GRIN3A: variants seen among roughly 807,000 people sequenced by gnomAD.
GRIN3A encodes glutamate ionotropic receptor NMDA type subunit 3A.
GRIN3A carries 47 observed loss-of-function variants against 92.4 expected under a neutral mutation model. The ratio of observed to expected loss-of-function variants is 0.51; its 90% CI spans 0.40 to 0.65. The LOEUF is 0.65. Among genes scored for constraint, GRIN3A ranks in the 30% least tolerant of loss-of-function variants. The pLI, the probability that GRIN3A is intolerant of heterozygous loss-of-function variation, is 0.00. For synonymous variants in GRIN3A, 527 were observed against 540.6 expected (o/e 0.97, Z 0.35); for missense variants, 1,324 against 1,393.1 (o/e 0.95, Z 0.79).
At chr9:101,727,882 C>A (rs910660949) in intron 1 of GRIN3A, among the ~76,000 whole-genome samples, 1 of 149,036 alleles carries the variant, frequency 6.7e-6, no homozygotes, top group Non-Finnish European at 1.5e-5. Context: ...TAGATAAATT[C>A]GGATCTAGAT....
At chr9:101,722,386 A>C (rs956010140) in intron 1 of GRIN3A, among the ~76,000 whole-genome samples, 1 of 152,348 alleles carries the variant, frequency 6.6e-6, no homozygotes, top group Admixed American at 6.5e-5. Flanking sequence ...CAGAAGGGAA[A>C]TGTGGGGTCG....
In GRIN3A at chr9:101,670,402, C is replaced by A. The variant is rs577452617; in HGVS notation, c.2010G>T (p.Met670Ile). 6 of 1,614,020 alleles carry A rather than the reference C, an allele frequency of 3.7e-6. No homozygotes were observed. The South Asian group carries it at 6.6e-5, about 18-fold the overall frequency. The change falls in exon 3 of 9, where the codon ATG becomes ATT. Residue 670 changes from methionine to isoleucine, a missense_variant. Physicochemically the swap from Met to Ile is conservative, Grantham distance 10. Transcript: ENST00000361820. ...RDTAAPIGAF[M>I]WPLHWTMWLG... ...GCCACATTGTCCAGTGGAGTGGCCA[C>A]ATGAAGGCTCCAATGGGAGCTGCTG...
chr9:101,653,793 T>C (rs113972655), intron 3 of GRIN3A, among the ~76,000 whole-genome samples: 48 of 152,046 alleles, frequency 3.2e-4, no homozygotes, highest in African/African-American at 1.2e-3. Context: ...CCATTTTATA[T>C]GTATGATTGA....
At chr9:101,645,116 G>A (rs1828919323) in intron 3 of GRIN3A, among the ~76,000 whole-genome samples, 1 of 151,748 alleles carries the variant, frequency 6.6e-6, no homozygotes, top group Non-Finnish European at 1.5e-5. Flanking sequence ...TTCTAACTGT[G>A]TTTCTGTACC....
chr9:101,618,568 G>C (rs1472431139), intron 5 of GRIN3A, among the ~76,000 whole-genome samples: 1 of 152,134 alleles, frequency 6.6e-6, no homozygotes, highest in African/African-American at 2.4e-5. Context: ...AGAGGATGTG[G>C]AGAAATAGGA....
intron 3 of GRIN3A, among the ~76,000 whole-genome samples, chr9:101,647,053 G>A (rs1324341569): frequency 6.6e-6 from 1 of 151,816 alleles, no homozygotes; most frequent in Admixed American, 6.6e-5. Flanking sequence ...TGGTAAAAGT[G>A]TGCATCCCTA....
In GRIN3A at chr9:101,625,552, A is replaced by C. The variant is rs1257279397; in HGVS notation, c.2499-2119T>G. On this transcript the variant is annotated intron_variant, in intron 4 of 8. Coordinates refer to ENST00000361820, the MANE Select transcript of GRIN3A (RefSeq NM_133445.3). The stretch of plus-strand genomic sequence containing the variant: ...TGCTTTCTTATCCTACTCTTCAAAT[A>C]AGTGAAATAACCAATTTAAAATGCA... Among the ~76,000 whole-genome samples, 4 of 152,304 alleles carry C rather than the reference A, an allele frequency of 2.6e-5. No homozygotes were observed. The East Asian group carries it at 7.7e-4, about 29-fold the overall frequency.
chr9:101,660,595 T>C (rs1023401782), intron 3 of GRIN3A, among the ~76,000 whole-genome samples: 1 of 151,862 alleles, frequency 6.6e-6, no homozygotes, highest in East Asian at 1.9e-4. Context: ...GAACTTCAGC[T>C]GGATATTTCA....
chr9:101,687,552 G>C (rs1829555095), intron 1 of GRIN3A, among the ~76,000 whole-genome samples: 1 of 152,112 alleles, frequency 6.6e-6, no homozygotes, highest in South Asian at 2.1e-4. Context: ...TTGCTATTAA[G>C]ACCTCATTTG....
intron 3 of GRIN3A, among the ~76,000 whole-genome samples, chr9:101,641,260 A>T (rs1289351264): frequency 6.6e-6 from 1 of 152,182 alleles, no homozygotes; most frequent in African/African-American, 2.4e-5. Context: ...TAGAAATACC[A>T]TTTGACCCAG....
rs12342952 is a variant in GRIN3A at position 101,701,101 on chromosome 9, G to A, written c.700-13901C>T. ...CTTCTTGCCCCAGATTTGCCACTAA[G>A]GGTATATGTTGGAAATGCTTATTTT... On this transcript the variant is annotated intron_variant, in intron 1 of 8. Transcript: ENST00000361820. 9.0e-3 allele frequency among the ~76,000 whole-genome samples: 1,375 copies of A among 152,234 alleles called. 21 individuals carry two copies. Among genetic ancestry groups the A allele is most frequent in the African/African-American group, 0.031 (1,308 of 41,538 alleles).
chr9:101,644,093 T>G (rs1828901269), intron 3 of GRIN3A, among the ~76,000 whole-genome samples: 1 of 151,894 alleles, frequency 6.6e-6, no homozygotes, highest in Non-Finnish European at 1.5e-5. Context: ...AAAAATCACT[T>G]CACAATGTAC....
rs553731076 is a variant in GRIN3A at position 101,672,387 on chromosome 9, T to A, written c.1305-1280A>T. Among the ~76,000 whole-genome samples the A allele has an allele frequency of 4.6e-5, 7 of 152,298 alleles. No individual in the cohort carries two copies. The East Asian group carries it at 1.4e-3, about 29-fold the overall frequency. On this transcript the variant is annotated intron_variant, in intron 2 of 8. Transcript: ENST00000361820. ...TCTCCAGGTTACTTTTTCCAATAAT[T>A]TTAATACAATTTTAAAAGTGGGAAA...
intron 3 of GRIN3A, among the ~76,000 whole-genome samples, chr9:101,656,230 A>C (rs1335894160): frequency 6.6e-6 from 1 of 151,912 alleles, no homozygotes; most frequent in African/African-American, 2.4e-5. Context: ...TCAGTTTAGC[A>C]GGGGGTGGGA....
chr9:101,637,742 G>A (rs1325019104), intron 3 of GRIN3A, among the ~76,000 whole-genome samples: 1 of 152,138 alleles, frequency 6.6e-6, no homozygotes, highest in East Asian at 1.9e-4. Context: ...AGATAACTCA[G>A]GAAATAGGCA....
intron 6 of GRIN3A, among the ~76,000 whole-genome samples, chr9:101,585,903 G>A (rs1827945070): frequency 1.3e-5 from 2 of 152,124 alleles, no homozygotes. Flanking sequence ...GGGCTATGAG[G>A]CCTCACAAGA....
intron 3 of GRIN3A, among the ~76,000 whole-genome samples, chr9:101,643,531 C>T (rs955953245): frequency 9.9e-5 from 15 of 151,940 alleles, no homozygotes; most frequent in African/African-American, 2.9e-4. Context: ...CTATATGATC[C>T]ATCACTTCCA....
intron 6 of GRIN3A, among the ~76,000 whole-genome samples, chr9:101,608,150 T>TCC (rs1828311082): frequency 6.6e-6 from 1 of 152,118 alleles, no homozygotes; most frequent in Non-Finnish European, 1.5e-5. Flanking sequence ...AAAGAAGAGC[T>TCC]CTGTGTGTGT....
intron 6 of GRIN3A, among the ~76,000 whole-genome samples, chr9:101,588,909 T>A (rs1827983952): frequency 1.3e-5 from 2 of 152,154 alleles, no homozygotes; most frequent in South Asian, 4.1e-4. Flanking sequence ...TTTAATTTTT[T>A]AAATATTATA....
Sources: allele counts gnomAD v4.1 joint callset (sites outside exome capture counted in the v4.1 genomes callset), GRCh38; gene constraint gnomAD v4.1.1; transcripts MANE v1.5; gene names NCBI Gene and HGNC (gene_info 2026-07-23, HGNC 2026-07-21).